Variants in ZMYND8 observed in about 807,000 individuals in gnomAD.
ZMYND8 encodes the protein MYND-type zinc finger-containing chromatin reader ZMYND8.
A neutral mutation model predicts 140.8 loss-of-function variants in ZMYND8; 37 were observed. That is an observed-to-expected ratio of 0.26 (90% confidence interval 0.20 to 0.35). The LOEUF (loss-of-function observed/expected upper bound fraction) is 0.35, where lower values mean the gene tolerates loss of function less well. Ranked by LOEUF, ZMYND8 falls within the 10% of genes least tolerant of loss-of-function variation. The pLI is 1.00. For missense variants in ZMYND8, 1,068 were observed against 1,570.0 expected, an observed-to-expected ratio of 0.68 and a Z score of 5.40; for synonymous variants, 592 against 597.1, an observed-to-expected ratio of 0.99 and a Z score of 0.12.
chr20:47,242,266 G>A (rs547137861), intron 14 of ZMYND8, among the ~76,000 whole-genome samples: 5 of 152,178 alleles, frequency 3.3e-5, no homozygotes, highest in Non-Finnish European at 7.3e-5. Flanking sequence ...GGGCGTTCTC[G>A]ATGGTTATCG....
intron 2 of ZMYND8, among the ~76,000 whole-genome samples, chr20:47,322,908 T>C (rs1457518870): frequency 6.6e-6 from 1 of 152,190 alleles, no homozygotes; most frequent in Non-Finnish European, 1.5e-5. Flanking sequence ...ACAAAGGGCA[T>C]GCTTGGCATT....
At chr20:47,225,919 G>A (rs932005225) in intron 18 of ZMYND8, among the ~76,000 whole-genome samples, 1 of 152,088 alleles carries the variant, frequency 6.6e-6, no homozygotes, top group African/African-American at 2.4e-5. Context: ...GGGAGGCTAA[G>A]GTGGGTGGAT....
At chr20:47,271,084 A>T (rs2075915441) in intron 11 of ZMYND8, among the ~76,000 whole-genome samples, 1 of 152,086 alleles carries the variant, frequency 6.6e-6, no homozygotes, top group South Asian at 2.1e-4. Context: ...CTAAAAAGAA[A>T]AAAAAAAGAA....
chr20:47,242,396 G>A (rs965140009), intron 14 of ZMYND8, among the ~76,000 whole-genome samples: 1 of 152,194 alleles, frequency 6.6e-6, no homozygotes, highest in African/African-American at 2.4e-5. Flanking sequence ...TGCTTCCAGG[G>A]CCACCTGCCA....
rs2075218060 is a variant in ZMYND8, at chr20:47,262,356, A to G, written c.1553T>C (p.Leu518Pro). The change falls in exon 12 of 23, where the codon CTG becomes CCG. Residue 518 changes from leucine (L) to proline (P), a missense_variant. This residue lies in a region of ZMYND8 where 173 missense variants were observed against 223.3 expected (regional missense o/e 0.77). Transcript: ENST00000471951. Reference sequence around the variant, plus strand: ...CGTTTTCGTCGTGATAGGAGCTGACAGTTGAGGAGAGAAGGGCTTTGGGCT... The same window carrying G: ...CGTTTTCGTCGTGATAGGAGCTGACGGTTGAGGAGAGAAGGGCTTTGGGCT... ...SGSPKPFSPQLSAPITTKTDK... is the reference protein window; with the variant it reads ...SGSPKPFSPQPSAPITTKTDK... The G allele has an allele frequency of 6.2e-7, 1 of 1,613,516 alleles. No individual in the cohort carries two copies. The highest frequency in any genetic ancestry group is 8.5e-7 in the Non-Finnish European group (1 of 1,179,962).
chr20:47,297,208 A>G (rs981732039), intron 4 of ZMYND8, among the ~76,000 whole-genome samples: 1 of 152,178 alleles, frequency 6.6e-6, no homozygotes, highest in African/African-American at 2.4e-5. Context: ...GCCTTTTGCC[A>G]TTTTAGAGAG....
chr20:47,210,784 G>A lies in ZMYND8; in HGVS notation c.3682C>T (p.Arg1228Trp). 1 of 1,614,064 alleles carries A rather than the reference G, an allele frequency of 6.2e-7. No individual in the cohort carries two copies. The highest frequency in any genetic ancestry group is 8.5e-7 in the Non-Finnish European group (1 of 1,180,012). ...TGCTAGTCCCAGAAGGTGTCCAGCC[G>A]AGACTCTTTCGGGAGGAGGCTCTTC... The part of the protein sequence containing the change: ...STKSLLPKES[R>W]LDTFWD The change falls in exon 23 of 23, where the codon CGG (arginine) becomes TGG (tryptophan). Residue 1228 changes from arginine (R) to tryptophan (W), a missense_variant. Around this residue, in one of 10 missense-constraint regions of ZMYND8, gnomAD observed 180 missense variants for 187.8 expected, o/e 0.96. Transcript: ENST00000471951.
intron 12 of ZMYND8, among the ~76,000 whole-genome samples, chr20:47,259,970 G>T (rs1010157613): frequency 1.3e-5 from 2 of 152,122 alleles, no homozygotes; most frequent in African/African-American, 4.8e-5. Flanking sequence ...GCCTCCAGCT[G>T]CCCTATTGAC....
chr20:47,256,057 G>A (rs554071217), intron 12 of ZMYND8, among the ~76,000 whole-genome samples: 26 of 149,066 alleles, frequency 1.7e-4, no homozygotes, highest in African/African-American at 6.4e-4. Context: ...TGGGCAACAA[G>A]AGCAAAGCTC....
intron 3 of ZMYND8, among the ~76,000 whole-genome samples, chr20:47,307,962 A>T (rs2078624992): frequency 6.6e-6 from 1 of 151,726 alleles, no homozygotes; most frequent in African/African-American, 2.4e-5. Flanking sequence ...TACTAAAAAT[A>T]AAAAAATTAA....
At chr20:47,230,298 T>G (rs2038286860) in intron 16 of ZMYND8, among the ~76,000 whole-genome samples, 1 of 148,754 alleles carries the variant, frequency 6.7e-6, no homozygotes, top group South Asian at 2.1e-4. Context: ...TTTTTGTTGT[T>G]TTTTTTTTTT....
intron 12 of ZMYND8, among the ~76,000 whole-genome samples, chr20:47,250,381 G>A (rs2074071790): frequency 6.6e-6 from 1 of 152,112 alleles, no homozygotes; most frequent in Admixed American, 6.5e-5. Context: ...CCACCCTCTG[G>A]CATCCCCTCC....
chr20:47,276,618 G>C lies in ZMYND8; in HGVS notation c.1176C>G (p.Asn392Lys). The change falls in exon 11 of 23, where the codon AAC (asparagine) becomes AAG (lysine). Residue 392 changes from asparagine (N) to lysine (K), a missense_variant. This residue lies in a region of ZMYND8 where 49 missense variants were observed against 94.1 expected (regional missense o/e 0.52). Coordinates refer to ENST00000471951, the MANE Select transcript of ZMYND8 (RefSeq NM_001281775.3). ...YSPFRTPYTP[N>K]SQYQMLLDPT... ...GATCGAGCAGCATTTGATACTGGCT[G>C]TTGGGTGTGTAGGGTGTCCTAAATG... is the stretch of plus-strand genomic sequence containing the variant. 1 of 1,613,938 alleles carries C rather than the reference G, an allele frequency of 6.2e-7. No individual in the cohort carries two copies. Among genetic ancestry groups the C allele is most frequent in the Non-Finnish European group, 8.5e-7 (1 of 1,179,996 alleles).
At chr20:47,233,599 C>G (rs575614941) in intron 16 of ZMYND8, among the ~76,000 whole-genome samples, 1 of 152,278 alleles carries the variant, frequency 6.6e-6, no homozygotes, top group East Asian at 1.9e-4. Context: ...TTGAAATGCA[C>G]AAAGCAGTTC....
intron 8 of ZMYND8, among the ~76,000 whole-genome samples, chr20:47,284,305 A>G (rs1394886903): frequency 6.6e-6 from 1 of 152,134 alleles, no homozygotes; most frequent in Non-Finnish European, 1.5e-5. Flanking sequence ...TATACCCAGT[A>G]GTTCTCTGTC....
intron 12 of ZMYND8, among the ~76,000 whole-genome samples, chr20:47,261,169 C>T (rs2075123343): frequency 6.6e-6 from 1 of 152,042 alleles, no homozygotes; most frequent in Non-Finnish European, 1.5e-5. Context: ...TGCAGTGAGC[C>T]AAGATCACGC....
At chr20:47,258,614 T>C (rs2074929653) in intron 12 of ZMYND8, among the ~76,000 whole-genome samples, 1 of 152,082 alleles carries the variant, frequency 6.6e-6, no homozygotes, top group Admixed American at 6.6e-5. Context: ...AATTCTGCCT[T>C]TTCTGATATA....
chr20:47,280,570 A>G (rs887555985), intron 10 of ZMYND8, among the ~76,000 whole-genome samples: 2 of 152,178 alleles, frequency 1.3e-5, no homozygotes, highest in African/African-American at 4.8e-5. Flanking sequence ...GCCATCAACC[A>G]TAAGGGTCTG....
At chr20:47,251,443 T>C (rs1177673209) in intron 12 of ZMYND8, among the ~76,000 whole-genome samples, 1 of 151,882 alleles carries the variant, frequency 6.6e-6, no homozygotes, top group Non-Finnish European at 1.5e-5. Flanking sequence ...AAAAAGTAGC[T>C]GGGCTTGGTG....
Sources: gnomAD v4.1 joint callset for allele counts (sites outside exome capture counted in the v4.1 genomes callset) on GRCh38, gnomAD v4.1.1 for gene constraint, gnomAD v4.1.1 regional missense constraint, MANE v1.5 for transcripts, NCBI Gene and HGNC (gene_info 2026-07-23, HGNC 2026-07-21) for gene names.